The following CAMK2D variants were observed in gnomAD, a reference collection of about 807,000 sequenced individuals.
CAMK2D encodes calcium/calmodulin dependent protein kinase II delta, also known as calcium/calmodulin-dependent protein kinase type II subunit delta.
CAMK2D carries 37 observed loss-of-function variants against 84.0 expected under a neutral mutation model. The ratio of observed to expected loss-of-function variants is 0.44; its 90% CI spans 0.34 to 0.58. The LOEUF is 0.58. CAMK2D is among the 20% of genes least tolerant of loss of function. CAMK2D has a pLI of 0.02. For missense variants in CAMK2D, 448 were observed against 652.5 expected, an observed-to-expected ratio of 0.69 and a Z score of 3.41; for synonymous variants, 202 against 212.5, an observed-to-expected ratio of 0.95 and a Z score of 0.43.
intron 16 of CAMK2D, among the ~76,000 whole-genome samples, chr4:113,468,770 G>A (rs1265609975): frequency 2.6e-5 from 4 of 152,158 alleles, no homozygotes; most frequent in Non-Finnish European, 5.9e-5. Context: ...TCAAAGTGGA[G>A]AGCTTGTGAT....
chr4:113,725,864 A>G (rs996807781), intron 2 of CAMK2D, among the ~76,000 whole-genome samples: 23 of 152,208 alleles, frequency 1.5e-4, no homozygotes, highest in African/African-American at 5.1e-4. Flanking sequence ...CATCTAAGGA[A>G]GTAAATCATA....
intron 2 of CAMK2D, among the ~76,000 whole-genome samples, chr4:113,753,267 G>A (rs980166683): frequency 6.6e-6 from 1 of 151,738 alleles, no homozygotes; most frequent in African/African-American, 2.4e-5. Context: ...TTCAAATAAT[G>A]GCTATTAATA....
At position 113,454,491 on chromosome 4, in the gene CAMK2D, C is replaced by A; in HGVS notation, c.*54G>T. 1 of 778,322 alleles carries A rather than the reference C, an allele frequency of 1.3e-6. No homozygotes were observed. The highest frequency in any genetic ancestry group is 2.4e-6 in the Non-Finnish European group (1 of 416,490). 48.2% of individuals were successfully genotyped at this position (778,322 alleles called of 1,614,324 possible). ...CCAGGTGCCTTGAGAACAGAGAATG[C>A]AGAAGTGGCACTGTTGAAATTTAGC... On this transcript the variant is annotated 3_prime_UTR_variant, in exon 21 of 21. Coordinates refer to ENST00000511664, the MANE Select transcript of CAMK2D (RefSeq NM_001321571.2).
At chr4:113,473,658 A>G (rs1234270528) in intron 16 of CAMK2D, among the ~76,000 whole-genome samples, 1 of 152,178 alleles carries the variant, frequency 6.6e-6, no homozygotes. Flanking sequence ...AATTATTCAA[A>G]CCATCTTTGA....
intron 2 of CAMK2D, among the ~76,000 whole-genome samples, chr4:113,723,425 T>C (rs963867505): frequency 6.6e-6 from 1 of 152,112 alleles, no homozygotes; most frequent in East Asian, 1.9e-4. Flanking sequence ...GGTTTCATCA[T>C]GTTGGCCAGG....
intron 2 of CAMK2D, among the ~76,000 whole-genome samples, chr4:113,703,709 A>T (rs993521498): frequency 6.6e-6 from 1 of 152,190 alleles, no homozygotes; most frequent in Non-Finnish European, 1.5e-5. Flanking sequence ...AAATGTTTGG[A>T]CTTTTAAAGA....
At chr4:113,456,276 C>T (rs1442862797) in intron 19 of CAMK2D, among the ~76,000 whole-genome samples, 1 of 152,176 alleles carries the variant, frequency 6.6e-6, no homozygotes, top group Non-Finnish European at 1.5e-5. Context: ...CATTCCAAAT[C>T]TCAAATATTA....
chr4:113,740,499 T>C (rs1487138382), intron 2 of CAMK2D, among the ~76,000 whole-genome samples: 3 of 152,056 alleles, frequency 2.0e-5, no homozygotes, highest in Non-Finnish European at 4.4e-5. Context: ...GAGGTAAGAA[T>C]GATGAATCAT....
intron 2 of CAMK2D, among the ~76,000 whole-genome samples, chr4:113,706,320 G>A (rs1295930162): frequency 6.6e-6 from 1 of 152,126 alleles, no homozygotes; most frequent in Non-Finnish European, 1.5e-5. Context: ...AACACTGTAA[G>A]AGACAAAATG....
chr4:113,579,262 C>T (rs2098797558), intron 4 of CAMK2D, among the ~76,000 whole-genome samples: 1 of 152,212 alleles, frequency 6.6e-6, no homozygotes, highest in Non-Finnish European at 1.5e-5. Context: ...GGTTTGGCTG[C>T]TCCTTCTCTC....
chr4:113,551,113 A>G (rs1433288674), intron 5 of CAMK2D, among the ~76,000 whole-genome samples: 1 of 152,160 alleles, frequency 6.6e-6, no homozygotes, highest in Non-Finnish European at 1.5e-5. Context: ...ATTGCTAATA[A>G]TGAGCCAATC....
intron 3 of CAMK2D, among the ~76,000 whole-genome samples, chr4:113,640,614 A>G (rs889420526): frequency 6.6e-6 from 1 of 152,230 alleles, no homozygotes; most frequent in East Asian, 1.9e-4. Flanking sequence ...AAGTAAGACC[A>G]GAACAAGAAG....
At chr4:113,750,298 G>A (rs889437721) in intron 2 of CAMK2D, among the ~76,000 whole-genome samples, 1 of 152,122 alleles carries the variant, frequency 6.6e-6, no homozygotes, top group African/African-American at 2.4e-5. Context: ...ACAGTACCAG[G>A]TGTACTCACT....
rs145816950 is a variant in CAMK2D at position 113,537,360 on chromosome 4, C to T, written c.498G>A (p.Gly166=). ...ACTCACCAAACCACGCCTGCTGGTC[C>T]CCTTGAACTTCTATGGCTAAGCCAA... The part of the protein sequence containing the change: ...ADFGLAIEVQ[G]DQQAWFGFAG... The change falls in exon 7 of 21, where the codon GGG becomes GGA. Residue 166 remains glycine (G), a synonymous_variant. Coordinates refer to ENST00000511664, the MANE Select transcript of CAMK2D (RefSeq NM_001321571.2). The T allele has an allele frequency of 3.4e-5, 55 of 1,608,004 alleles. No individual in the cohort carries two copies. The African/African-American group carries it at 7.1e-4, about 21-fold the overall frequency.
At chr4:113,582,154 G>A (rs534045381) in intron 4 of CAMK2D, among the ~76,000 whole-genome samples, 1 of 152,290 alleles carries the variant, frequency 6.6e-6, no homozygotes, top group African/African-American at 2.4e-5. Flanking sequence ...TCACATCCAG[G>A]TTGACCAGTT....
chr4:113,582,453 G>A (rs912297190), intron 4 of CAMK2D, among the ~76,000 whole-genome samples: 24 of 152,214 alleles, frequency 1.6e-4, no homozygotes, highest in Admixed American at 5.2e-4. Context: ...ACATATCGTC[G>A]TGTAACCATC....
chr4:113,466,822 T>C (rs1308105647), intron 16 of CAMK2D, among the ~76,000 whole-genome samples: 1 of 152,254 alleles, frequency 6.6e-6, no homozygotes, highest in Non-Finnish European at 1.5e-5. Context: ...TCGGCAATTA[T>C]GCATATGCTA....
chr4:113,598,226 T>C (rs1291759415), intron 4 of CAMK2D, among the ~76,000 whole-genome samples: 1 of 151,884 alleles, frequency 6.6e-6, no homozygotes, highest in Non-Finnish European at 1.5e-5. Flanking sequence ...AGTATAGAAA[T>C]ACACTCTCAT....
chr4:113,612,056 G>T (rs907873576), intron 3 of CAMK2D, among the ~76,000 whole-genome samples: 2 of 151,814 alleles, frequency 1.3e-5, no homozygotes, highest in Non-Finnish European at 2.9e-5. Flanking sequence ...TGAAAAAACA[G>T]AATTATAAGA....
Sources: gnomAD v4.1 joint callset for allele counts (sites outside exome capture counted in the v4.1 genomes callset) on GRCh38, gnomAD v4.1.1 for gene constraint, MANE v1.5 for transcripts, NCBI Gene and HGNC (gene_info 2026-07-23, HGNC 2026-07-21) for gene names.